The following DNAH10 variants were observed in gnomAD, a reference collection of about 807,000 sequenced individuals.
DNAH10 encodes the protein axonemal beta dynein heavy chain 10.
In DNAH10, 348 loss-of-function variants were observed where a neutral mutation model predicts 506.6. The ratio of observed to expected loss-of-function variants is 0.69; its 90% confidence interval spans 0.63 to 0.75. The LOEUF (loss-of-function observed/expected upper bound fraction) is 0.75. DNAH10 is among the 30% of genes least tolerant of loss of function. The probability of loss-of-function intolerance (pLI) is 0.00; values close to 1 mark genes in which losing one functional copy is unlikely to be tolerated. For synonymous variants in DNAH10, 2,059 were observed against 2,198.6 expected (o/e 0.94, Z 1.78); for missense variants, 5,179 against 5,787.1 (o/e 0.89, Z 3.41).
At chr12:123,935,304 T>C in intron 78 of DNAH10, 31 bp from the exon 79 acceptor site, 1 of 1,591,272 alleles carries the variant, frequency 6.3e-7, no homozygotes, top group Non-Finnish European at 8.6e-7. Flanking sequence ...CCTCTCTCCG[T>C]GGGGGCATCT....
chr12:123,932,139 C>T (rs199532662), intron 76 of DNAH10, 31 bp downstream of exon 76: 60 of 1,611,628 alleles, frequency 3.7e-5, no homozygotes, highest in East Asian at 1.1e-4. Context: ...TCCTCTCTGC[C>T]GATTCAGGTG....
At chr12:123,780,967 A>AAT in intron 5 of DNAH10, 113 bp from the exon 6 acceptor site, 1 of 763,816 alleles carries the variant, frequency 1.3e-6, no homozygotes. Context: ...AAAAAAGAAT[A>AAT]TTCAAAACCA....
intron 5 of DNAH10, among the ~76,000 whole-genome samples, chr12:123,778,214 AAT>A (rs1158367038): frequency 2.0e-5 from 3 of 151,512 alleles, no homozygotes; most frequent in Admixed American, 6.6e-5. Flanking sequence ...AAAAAAAAAA[AAT>A]GAAAAATAAA....
intron 67 of DNAH10, 70 bp from the exon 68 acceptor site, chr12:123,924,980 C>A (rs1954877343): frequency 6.3e-7 from 1 of 1,581,360 alleles, no homozygotes; most frequent in Non-Finnish European, 8.6e-7. Flanking sequence ...CTTTTGCCAC[C>A]TTCACACATA....
At chr12:123,835,595 A>G in intron 28 of DNAH10, 67 bp downstream of exon 28, 5 of 1,544,474 alleles carry the variant, frequency 3.2e-6, no homozygotes, top group Non-Finnish European at 3.5e-6. Flanking sequence ...GTACCTTTTT[A>G]TTTGCACATT....
Position 123,909,203 on chromosome 12 carries a change from A to G in DNAH10, c.9816-58A>G. ...GCTCGTTTTTCTGGAGCTCTCTTTC[A>G]GGCCAGATCCTGGCCACATCCCGGG... On this transcript the variant is annotated intron_variant, in intron 57 of 78. Transcript: ENST00000673944. The surrounding 1 kb of genome is among the most constrained non-coding windows in gnomAD (Gnocchi z 5.4). 2 of 1,578,532 alleles carry G rather than the reference A, an allele frequency of 1.3e-6. No individual in the cohort carries two copies. The highest frequency in any genetic ancestry group is 1.8e-5 in the Admixed American group (1 of 54,610).
rs1566095527 is a variant in DNAH10, at chr12:123,914,489, ATCCCCCTGAGCCAGCCTT to A, written c.10517_10534del (p.Pro3506_Phe3511del). ...GCAAAATGACATCCTGGAGCGGGAG[ATCCCCCTGAGCCAGCCTT>A]TCCGGCTGGAAAGCCTGCTCACGGA... On this transcript the variant is annotated inframe_deletion, in exon 61 of 79. Transcript: ENST00000673944. 1 of 1,613,660 alleles carries A rather than the reference ATCCCCCTGAGCCAGCCTT, an allele frequency of 6.2e-7. No individual in the cohort carries two copies. Among genetic ancestry groups the A allele is most frequent in the South Asian group, 1.1e-5 (1 of 91,074 alleles).
chr12:123,828,918 G>C (rs1960251710), intron 25 of DNAH10, among the ~76,000 whole-genome samples: 1 of 152,170 alleles, frequency 6.6e-6, no homozygotes, highest in African/African-American at 2.4e-5. Flanking sequence ...GGGAACTGGA[G>C]AGGGAATCAC....
chr12:123,805,436 G>A (rs564952511), intron 18 of DNAH10, among the ~76,000 whole-genome samples: 2 of 152,312 alleles, frequency 1.3e-5, no homozygotes, highest in South Asian at 2.1e-4. Flanking sequence ...CGGTCTGTGC[G>A]TGTTGAATGC....
intron 72 of DNAH10, 33 bp downstream of exon 72, chr12:123,929,792 C>T (rs748709618): frequency 2.4e-5 from 38 of 1,583,030 alleles, no homozygotes; most frequent in Middle Eastern, 1.9e-4. Flanking sequence ...CCGCAGGTGC[C>T]TCTGGGGCTA....
At chr12:123,864,143 CTTTTTTTTTT>C (rs770676668) in intron 39 of DNAH10, among the ~76,000 whole-genome samples, 1 of 117,134 alleles carries the variant, frequency 8.5e-6, no homozygotes, top group African/African-American at 3.2e-5. Context: ...ACTTTTTTTT[CTTTTTTTTTT>C]TTTTTTTTTT....
rs944463544 is a variant in DNAH10, at chr12:123,894,553, C to T, written c.9200-90C>T. On this transcript the variant is annotated intron_variant, in intron 53 of 78. Coordinates refer to ENST00000673944, the MANE Select transcript of DNAH10 (RefSeq NM_001372106.1). ...GATTACAGGTGTGAGCCACCACACCCGGCCCTGATTTTTGTATTTTTTGTA... is the reference window on the plus strand; with the variant it reads ...GATTACAGGTGTGAGCCACCACACCTGGCCCTGATTTTTGTATTTTTTGTA... 2.1e-5 allele frequency: 26 copies of T among 1,221,414 alleles called. No individual in the cohort carries two copies. In the East Asian group the frequency reaches 2.2e-4, roughly 10 times the overall value. 75.7% of individuals were successfully genotyped at this position (1,221,414 alleles called of 1,614,324 possible).
chr12:123,847,851 C>T (rs1304748701), intron 32 of DNAH10, 110 bp from the exon 33 acceptor site: 1 of 1,410,320 alleles, frequency 7.1e-7, no homozygotes, highest in African/African-American at 1.5e-5. Flanking sequence ...AAAGCAAACA[C>T]CACATTCTTT....
Position 123,857,212 on chromosome 12 carries a change from C to T in DNAH10, c.6595C>T (p.Leu2199=), listed in dbSNP as rs200701057. 5.6e-6 allele frequency: 9 copies of T among 1,599,022 alleles called. No homozygotes were observed. The Admixed American group carries it at 1.6e-4, about 28-fold the overall frequency. Residue 2199 remains leucine (L), a synonymous_variant, in exon 37 of 79, where the codon CTG becomes TTG. Coordinates refer to ENST00000673944, the MANE Select transcript of DNAH10 (RefSeq NM_001372106.1). The part of the protein sequence containing the change: ...PDFNDAVEQV[L]EENGYAVLPI... ...CTTCAACGATGCGGTAGAGCAGGTC[C>T]TGGAGGAGAACGGCTACGCGGTCCT...
At chr12:123,899,063 C>T (rs537394356) in intron 56 of DNAH10, among the ~76,000 whole-genome samples, 1 of 152,316 alleles carries the variant, frequency 6.6e-6, no homozygotes, top group African/African-American at 2.4e-5. Context: ...TAGGCCCCTG[C>T]GCTGGTAGCC....
chr12:123,897,757 C>T lies in DNAH10; in HGVS notation c.9281-13C>T. The T allele has an allele frequency of 1.3e-6, 2 of 1,586,390 alleles. No homozygotes were observed. The highest frequency in any genetic ancestry group is 2.0e-5 in the Admixed American group (1 of 50,882). ...AAAAAGAAAGAAAACATTTTTTATTCCTTCCTCTTCAGGGTATAATCCAAT... is the reference window on the plus strand; with the variant it reads ...AAAAAGAAAGAAAACATTTTTTATTTCTTCCTCTTCAGGGTATAATCCAAT... On this transcript the variant is annotated splice_polypyrimidine_tract_variant and intron_variant, in intron 54 of 78. Transcript: ENST00000673944.
chr12:123,929,551 C>A, intron 71 of DNAH10, 67 bp downstream of exon 71: 1 of 1,577,678 alleles, frequency 6.3e-7, no homozygotes, highest in East Asian at 2.3e-5. Context: ...GACTTTCCTC[C>A]GGGTTCAACC....
At chr12:123,799,441 T>G in intron 14 of DNAH10, 70 bp downstream of exon 14, 3 of 1,530,026 alleles carry the variant, frequency 2.0e-6, no homozygotes, top group Non-Finnish European at 2.7e-6. Flanking sequence ...TTCTCAAGGC[T>G]TGATTTGTTG....
intron 31 of DNAH10, 29 bp from the exon 32 acceptor site, chr12:123,845,942 C>G: frequency 6.2e-7 from 1 of 1,613,156 alleles, no homozygotes; most frequent in Non-Finnish European, 8.5e-7. Context: ...TCAACGGTTT[C>G]CACTTCCTCC....
Sources: allele counts gnomAD v4.1 joint callset (sites outside exome capture counted in the v4.1 genomes callset), GRCh38; gene constraint gnomAD v4.1.1; non-coding constraint Gnocchi (gnomAD v3.1); transcripts MANE v1.5; gene names NCBI Gene and HGNC (gene_info 2026-07-23, HGNC 2026-07-21).